The following DZIP3 variants were observed in gnomAD, a reference collection of about 807,000 sequenced individuals.
DZIP3 encodes the protein DAZ interacting zinc finger protein 3, also known as E3 ubiquitin-protein ligase DZIP3.
In DZIP3, 118 loss-of-function variants were observed where a neutral mutation model predicts 162.0. The ratio of observed to expected loss-of-function variants is 0.73; its 90% CI spans 0.63 to 0.85. The LOEUF (loss-of-function observed/expected upper bound fraction) is 0.85, where lower values mean the gene tolerates loss of function less well. Among genes scored for constraint, DZIP3 ranks in the 40% least tolerant of loss-of-function variants. DZIP3 has a pLI of 0.00. For synonymous variants in DZIP3, 438 were observed against 458.6 expected, an observed-to-expected ratio of 0.96 and a Z score of 0.57; for missense variants, 1,331 against 1,407.0, an observed-to-expected ratio of 0.95 and a Z score of 0.86.
intron 26 of DZIP3, among the ~76,000 whole-genome samples, chr3:108,679,438 A>T (rs761652298): frequency 6.6e-6 from 1 of 152,078 alleles, no homozygotes; most frequent in African/African-American, 2.4e-5. Context: ...CTGTGTGGTA[A>T]TTTATAAGCA....
At chr3:108,664,227 C>G (rs915762790) in intron 21 of DZIP3, among the ~76,000 whole-genome samples, 1 of 152,156 alleles carries the variant, frequency 6.6e-6, no homozygotes, top group African/African-American at 2.4e-5. Context: ...AAAAGCCTGT[C>G]CCTTCTAGCC....
chr3:108,667,066 T>C (rs1943711150), intron 21 of DZIP3, among the ~76,000 whole-genome samples: 1 of 151,834 alleles, frequency 6.6e-6, no homozygotes, highest in Admixed American at 6.6e-5. Flanking sequence ...ACACCTGTAG[T>C]CCCAGCTACT....
intron 19 of DZIP3, among the ~76,000 whole-genome samples, chr3:108,655,665 C>T (rs548234850): frequency 7.2e-5 from 11 of 152,078 alleles, no homozygotes; most frequent in Non-Finnish European, 1.3e-4. Context: ...ACAGTGGGTG[C>T]GGCGCACCGA....
At chr3:108,675,637 C>T (rs1944078831) in intron 24 of DZIP3, 149 bp from the exon 25 acceptor site, 1 of 526,326 alleles carries the variant, frequency 1.9e-6, no homozygotes, top group Non-Finnish European at 3.2e-6. Context: ...CTGTCCATAC[C>T]TCTTTATGTC....
chr3:108,650,676 TCTC>T (rs895521029), intron 17 of DZIP3, among the ~76,000 whole-genome samples: 6 of 151,680 alleles, frequency 4.0e-5, no homozygotes, highest in Non-Finnish European at 8.9e-5. Flanking sequence ...CAGTCTGACT[TCTC>T]CTTATATATA....
At chr3:108,600,649 G>A (rs1052200886) in intron 1 of DZIP3, among the ~76,000 whole-genome samples, 1 of 152,094 alleles carries the variant, frequency 6.6e-6, no homozygotes, top group African/African-American at 2.4e-5. Context: ...TAATTTTGCT[G>A]CAAACCTAAA....
intron 23 of DZIP3, 116 bp downstream of exon 23, chr3:108,672,772 T>C (rs1376452149): frequency 1.2e-6 from 1 of 833,738 alleles, no homozygotes; most frequent in East Asian, 2.7e-5. Context: ...TAAGACATCT[T>C]AGGATCAGCC....
Position 108,669,822 on chromosome 3 carries a change from T to A in DZIP3, c.2492+73T>A. 3.3e-6 allele frequency: 4 copies of A among 1,227,298 alleles called. No homozygotes were observed. The Admixed American group carries it at 5.5e-5, about 17-fold the overall frequency. 76.0% of individuals were successfully genotyped at this position (1,227,298 alleles called of 1,614,324 possible). ...TTCACTCAACACTTTCTGGCTGGCA[T>A]ATTGATGTAATTTATCATTCAAACC... On this transcript the variant is annotated intron_variant, in intron 22 of 32. Transcript: ENST00000361582.
At chr3:108,594,682 A>T (rs770315883) in intron 1 of DZIP3, among the ~76,000 whole-genome samples, 8 of 152,040 alleles carry the variant, frequency 5.3e-5, no homozygotes, top group African/African-American at 1.5e-4. Flanking sequence ...TTTATGAGTA[A>T]GAATATGCGG....
intron 4 of DZIP3, among the ~76,000 whole-genome samples, chr3:108,615,744 A>G (rs1335486823): frequency 7.2e-5 from 11 of 152,254 alleles, no homozygotes; most frequent in Non-Finnish European, 1.6e-4. Context: ...TATAGTACAT[A>G]ATAAAGCATG....
Position 108,643,410 on chromosome 3 carries a change from C to T in DZIP3, c.1142-754C>T, listed in dbSNP as rs535335129. Among the ~76,000 whole-genome samples, 16 of 152,060 alleles carry T rather than the reference C, an allele frequency of 1.1e-4. 1 individual carries two copies. Among genetic ancestry groups the T allele is most frequent in the Admixed American group, 6.6e-4 (10 of 15,256 alleles). ...TGAGGTTTATTAGATCACAGTTTCT[C>T]AAGCATTATACATATATTTGAAATA... On this transcript the variant is annotated intron_variant, in intron 13 of 32. Coordinates refer to ENST00000361582, the MANE Select transcript of DZIP3 (RefSeq NM_014648.4).
intron 5 of DZIP3, among the ~76,000 whole-genome samples, chr3:108,618,048 G>A (rs951550747): frequency 1.3e-5 from 2 of 152,168 alleles, no homozygotes; most frequent in African/African-American, 2.4e-5. Flanking sequence ...CACCAAAAAG[G>A]GAAAAGACAA....
chr3:108,646,256 T>C (rs1311094923), intron 14 of DZIP3, among the ~76,000 whole-genome samples: 4 of 152,218 alleles, frequency 2.6e-5, no homozygotes, highest in Admixed American at 2.0e-4. Context: ...TAAATCAGAT[T>C]GCTAAAAATA....
rs746416339 is a variant in DZIP3, at chr3:108,674,118, A to C, written c.2630A>C (p.His877Pro). ...TGTCGTAGGGATTTTGGTTTGCTTC[A>C]TCTAGAGCAGACTGAAAAGGAATGT... ...LQCRRDFGLL[H>P]LEQTEKECLN... Residue 877 changes from histidine (H) to proline (P), a missense_variant, in exon 24 of 33, where the codon CAT becomes CCT. Transcript: ENST00000361582. 4 of 1,612,358 alleles carry C rather than the reference A, an allele frequency of 2.5e-6. No homozygotes were observed. The highest frequency in any genetic ancestry group is 3.4e-6 in the Non-Finnish European group (4 of 1,178,930).
chr3:108,616,481 A>T, intron 4 of DZIP3, 60 bp from the exon 5 acceptor site: 1 of 1,109,046 alleles, frequency 9.0e-7, no homozygotes. Context: ...TGTATAATGT[A>T]AACATATGTA....
intron 10 of DZIP3, among the ~76,000 whole-genome samples, chr3:108,635,661 AATATT>A: frequency 6.8e-6 from 1 of 147,382 alleles, no homozygotes; most frequent in South Asian, 2.1e-4. Context: ...TAATATTATA[AATATT>A]ATATAATATA....
intron 4 of DZIP3, among the ~76,000 whole-genome samples, chr3:108,612,190 A>G (rs1038554651): frequency 2.6e-5 from 4 of 152,114 alleles, no homozygotes; most frequent in African/African-American, 9.7e-5. Flanking sequence ...TCTTTGTGGC[A>G]ATTAACTAGA....
At chr3:108,620,162 G>T (rs1487306943) in intron 5 of DZIP3, among the ~76,000 whole-genome samples, 1 of 151,992 alleles carries the variant, frequency 6.6e-6, no homozygotes, top group African/African-American at 2.4e-5. Flanking sequence ...CAGCATATAC[G>T]GCCACCTCCA....
chr3:108,644,129 G>A (rs777365117), intron 13 of DZIP3, 35 bp from the exon 14 acceptor site: 51 of 1,546,544 alleles, frequency 3.3e-5, no homozygotes, highest in Non-Finnish European at 4.2e-5. Flanking sequence ...GAGCATTAAT[G>A]TGGAATGTCT....
Sources: gnomAD v4.1 joint callset for allele counts (sites outside exome capture counted in the v4.1 genomes callset) on GRCh38, gnomAD v4.1.1 for gene constraint, MANE v1.5 for transcripts, NCBI Gene and HGNC (gene_info 2026-07-23, HGNC 2026-07-21) for gene names.